IGF1R: variants seen among roughly 807,000 people sequenced by gnomAD.
The protein encoded by IGF1R is insulin like growth factor 1 receptor, also known as insulin-like growth factor 1 receptor.
Under a neutral mutation model 144.6 loss-of-function variants are expected in IGF1R, and 44 were observed. The ratio of observed to expected loss-of-function variants is 0.30; its 90% CI spans 0.24 to 0.39. The LOEUF is 0.39. Ranked by LOEUF, IGF1R falls within the 10% of genes least tolerant of loss-of-function variation. IGF1R has a pLI of 1.00. For missense variants in IGF1R, 1,355 were observed against 1,833.7 expected, an observed-to-expected ratio of 0.74 and a Z score of 4.77; for synonymous variants, 795 against 722.8, an observed-to-expected ratio of 1.10 and a Z score of -1.60.
At chr15:98,809,501 G>A (rs183126363) in intron 2 of IGF1R, among the ~76,000 whole-genome samples, 4 of 152,238 alleles carry the variant, frequency 2.6e-5, no homozygotes, top group Admixed American at 6.5e-5. Flanking sequence ...CTGGTCTACC[G>A]GGCAAGAAAC....
rs997049044 is a variant in IGF1R, at chr15:98,780,458, A to G, written c.640+72351A>G. 8.0e-5 allele frequency among the ~76,000 whole-genome samples: 12 copies of G among 149,130 alleles called. 2 individuals are homozygous for G. The highest frequency in any genetic ancestry group is 6.8e-4 in the Admixed American group (10 of 14,784). On this transcript the variant is annotated intron_variant, in intron 2 of 20. Transcript: ENST00000650285. ...CAGCTACTCAGGAGGCTGAGGCAGG[A>G]GAATCGCTTGAACCCGGGAGGTGGA...
intron 15 of IGF1R, among the ~76,000 whole-genome samples, chr15:98,931,108 A>G (rs997387415): frequency 6.6e-6 from 1 of 152,222 alleles, no homozygotes; most frequent in Non-Finnish European, 1.5e-5. Context: ...ACTCTGGGAA[A>G]AAACTTGTGC....
rs1382651965 is a variant in IGF1R at position 98,962,205 on chromosome 15, G to T, written c.*4763G>T. 2 of 233,268 alleles carry T rather than the reference G, an allele frequency of 8.6e-6. No individual in the cohort carries two copies. Among genetic ancestry groups the T allele is most frequent in the Non-Finnish European group, 1.7e-5 (2 of 118,106 alleles). The allele number at this position is 233,268 out of a possible 1,614,324, so 14.4% of individuals were successfully genotyped here. A position where few individuals can be genotyped will look rare whatever the true frequency, so the allele number is the denominator to read the frequency against. Reference sequence around the variant, plus strand: ...TGGCTCCTTCCAGGGTGGCCAGACGGTGTTGGCCACTCCCTTCTAAAACAC... The same window carrying T: ...TGGCTCCTTCCAGGGTGGCCAGACGTTGTTGGCCACTCCCTTCTAAAACAC... On this transcript the variant is annotated 3_prime_UTR_variant, in exon 21 of 21. Transcript: ENST00000650285.
At chr15:98,941,254 C>A (rs546465661) in intron 18 of IGF1R, among the ~76,000 whole-genome samples, 1 of 152,372 alleles carries the variant, frequency 6.6e-6, no homozygotes, top group South Asian at 2.1e-4. Flanking sequence ...GTGCCTGGCA[C>A]AGGGCAGGGC....
intron 15 of IGF1R, among the ~76,000 whole-genome samples, chr15:98,930,776 C>T (rs573005389): frequency 2.0e-4 from 31 of 152,144 alleles, no homozygotes; most frequent in African/African-American, 6.8e-4. Context: ...CATTCCCTTC[C>T]GACTAGGGTC....
intron 2 of IGF1R, among the ~76,000 whole-genome samples, chr15:98,730,530 C>G (rs754483272): frequency 7.2e-5 from 11 of 152,172 alleles, no homozygotes; most frequent in Admixed American, 2.6e-4. Flanking sequence ...GTGCCCCATA[C>G]TTAGTGCACA....
rs544674838 is a variant in IGF1R, at chr15:98,649,525, CTTTTTTTTTTT to C, written c.-43_-33del. ...TCATTTCCTTTTTTTCTTTTCTTTT[CTTTTTTTTTTT>C]TTTTTTTTTTTTTGAGAAAGGGGAA... On this transcript the variant is annotated 5_prime_UTR_variant, in exon 1 of 21. Coordinates refer to ENST00000650285, the MANE Select transcript of IGF1R (RefSeq NM_000875.5). The C allele has an allele frequency of 4.9e-3, 3,495 of 718,688 alleles. 13 individuals are homozygous for C. Among genetic ancestry groups the C allele is most frequent in the Non-Finnish European group, 5.4e-3 (2,455 of 452,374 alleles). 44.5% of individuals were successfully genotyped at this position (718,688 alleles called of 1,614,324 possible).
In IGF1R at chr15:98,707,593, C is replaced by T; in HGVS notation, c.126C>T (p.Asp42=). 6.2e-6 allele frequency: 10 copies of T among 1,614,248 alleles called. No homozygotes were observed. Among genetic ancestry groups the T allele is most frequent in the Non-Finnish European group, 8.5e-6 (10 of 1,180,044 alleles). ...ICGPGIDIRN[D]YQQLKRLENC... ...GGCCAGGCATCGACATCCGCAACGA[C>T]TATCAGCAGCTGAAGCGCCTGGAGA... The change falls in exon 2 of 21, where the codon GAC becomes GAT. Residue 42 remains aspartate, a synonymous_variant. Transcript: ENST00000650285. This position sits in a 1 kb window ranked among gnomAD's most constrained non-coding sequence, Gnocchi z 6.7.
intron 1 of IGF1R, among the ~76,000 whole-genome samples, chr15:98,681,045 G>C (rs1216522716): frequency 6.6e-6 from 1 of 152,128 alleles, no homozygotes; most frequent in Non-Finnish European, 1.5e-5. Flanking sequence ...TATAGCCTAG[G>C]TGTGTAGTAG....
At chr15:98,868,906 A>G (rs1596377054) in intron 2 of IGF1R, among the ~76,000 whole-genome samples, 1 of 152,142 alleles carries the variant, frequency 6.6e-6, no homozygotes, top group East Asian at 1.9e-4. Context: ...AGAGAGGATT[A>G]TCTTCATTAA....
rs768543150 is a variant in IGF1R, at chr15:98,957,332, G to C, written c.3994G>C (p.Gly1332Arg). The C allele has an allele frequency of 6.2e-7, 1 of 1,612,212 alleles. No individual in the cohort carries two copies. The highest frequency in any genetic ancestry group is 8.5e-7 in the Non-Finnish European group (1 of 1,178,836). The change falls in exon 21 of 21, where the codon GGG becomes CGG. Residue 1332 changes from glycine to arginine, a missense_variant. Around this residue, in one of 7 missense-constraint regions of IGF1R, gnomAD observed 219 missense variants for 188.8 expected, o/e 1.16. Transcript: ENST00000650285. ...GHKAENGPGP[G>R]VLVLRASFDE... Reference sequence around the variant, plus strand: ...CAAGGCCGAGAACGGCCCCGGCCCTGGGGTGCTGGTCCTCCGCGCCAGCTT... The same window carrying C: ...CAAGGCCGAGAACGGCCCCGGCCCTCGGGTGCTGGTCCTCCGCGCCAGCTT...
chr15:98,693,753 A>G (rs536297537), intron 1 of IGF1R, among the ~76,000 whole-genome samples: 1 of 152,196 alleles, frequency 6.6e-6, no homozygotes, highest in East Asian at 1.9e-4. Context: ...CTTCAGGTGT[A>G]TGCCACCATG....
intron 5 of IGF1R, among the ~76,000 whole-genome samples, chr15:98,903,514 G>A (rs1428454338): frequency 1.3e-5 from 2 of 152,146 alleles, no homozygotes. Flanking sequence ...CCAACCCTGT[G>A]ACCTAGCAAT....
rs545177164 is a variant in IGF1R, at chr15:98,868,655, G to A, written c.641-22670G>A. Among the ~76,000 whole-genome samples the A allele has an allele frequency of 2.0e-4, 31 of 152,258 alleles. 1 individual carries two copies. The Middle Eastern group carries it at 0.014, about 67-fold the overall frequency. On this transcript the variant is annotated intron_variant, in intron 2 of 20. Transcript: ENST00000650285. ...TCCAGCTCTGCCTTCTTCAAGCTGT[G>A]TGACTCTGGGAAGTCACACACACTC...
intron 1 of IGF1R, among the ~76,000 whole-genome samples, chr15:98,656,419 C>T (rs754487737): frequency 3.3e-5 from 5 of 152,162 alleles, no homozygotes; most frequent in East Asian, 1.9e-4. Flanking sequence ...CGTGGTGGCC[C>T]GTGCCTATAA....
At position 98,961,995 on chromosome 15, in the gene IGF1R, T is replaced by G. The variant is rs1310736337; in HGVS notation, c.*4553T>G. The G allele has an allele frequency of 8.6e-6, 2 of 233,178 alleles. No individual in the cohort carries two copies. Among genetic ancestry groups the G allele is most frequent in the East Asian group, 1.2e-4 (2 of 16,602 alleles). 14.4% of individuals were successfully genotyped at this position (233,178 alleles called of 1,614,324 possible). On this transcript the variant is annotated 3_prime_UTR_variant, in exon 21 of 21. Coordinates refer to ENST00000650285, the MANE Select transcript of IGF1R (RefSeq NM_000875.5). ...ATTGGGGTGCTTTGGGATAAAAGAT[T>G]TATGAGCCAACTATTCTCTGGCACC...
rs1214002434 is a variant in IGF1R, at chr15:98,961,473, T to G, written c.*4031T>G. The G allele has an allele frequency of 4.3e-6, 1 of 233,480 alleles. No homozygotes were observed. Among genetic ancestry groups the G allele is most frequent in the East Asian group, 6.0e-5 (1 of 16,578 alleles). 14.5% of individuals were successfully genotyped at this position (233,480 alleles called of 1,614,324 possible). On this transcript the variant is annotated 3_prime_UTR_variant, in exon 21 of 21. Transcript: ENST00000650285. ...TGGACCAACCCACCCACCTTGACTA[T>G]ACCAAGGCATCATCTATCCACAGTT... is the stretch of plus-strand genomic sequence containing the variant.
intron 2 of IGF1R, among the ~76,000 whole-genome samples, chr15:98,864,906 C>G (rs991796204): frequency 6.6e-6 from 1 of 152,178 alleles, no homozygotes; most frequent in African/African-American, 2.4e-5. Flanking sequence ...TATTATGGCC[C>G]TCACACAAGA....
At chr15:98,671,650 T>C (rs149556798) in intron 1 of IGF1R, among the ~76,000 whole-genome samples, 1 of 152,350 alleles carries the variant, frequency 6.6e-6, no homozygotes, top group East Asian at 1.9e-4. Context: ...GAGACTTGAC[T>C]ACATAAAAGA....
Sources: gnomAD v4.1 joint callset for allele counts (sites outside exome capture counted in the v4.1 genomes callset) on GRCh38, gnomAD v4.1.1 for gene constraint, gnomAD v4.1.1 regional missense constraint, Gnocchi (gnomAD v3.1) non-coding constraint, MANE v1.5 for transcripts, NCBI Gene and HGNC (gene_info 2026-07-23, HGNC 2026-07-21) for gene names.